Variants in NDUFS2 observed in about 807,000 individuals in gnomAD.
NDUFS2 encodes the protein NADH dehydrogenase [ubiquinone] iron-sulfur protein 2, mitochondrial.
In NDUFS2, 38 loss-of-function variants were observed where a neutral mutation model predicts 69.6. That is an observed-to-expected ratio of 0.55 (90% CI 0.42 to 0.72). The LOEUF is 0.72. Ranked by LOEUF, NDUFS2 falls within the 30% of genes least tolerant of loss-of-function variation. The probability of loss-of-function intolerance (pLI) is 0.00; values close to 1 mark genes in which losing one functional copy is unlikely to be tolerated. For synonymous variants in NDUFS2, 194 were observed against 211.2 expected (o/e 0.92, Z 0.70); for missense variants, 468 against 595.0 (o/e 0.79, Z 2.22).
intron 2 of NDUFS2, chr1:161,203,961 T>C (rs1051344099): frequency 3.8e-6 from 1 of 264,466 alleles, no homozygotes; most frequent in African/African-American, 2.2e-5. Flanking sequence ...GCCCCTATCC[T>C]GTTTGCTTCT....
In NDUFS2 at chr1:161,209,271, T is replaced by C. The variant is rs997237404; in HGVS notation, c.472T>C (p.Leu158=). Residue 158 remains leucine, a synonymous_variant, in exon 4 of 14, where the codon TTG becomes CTG. Transcript: ENST00000676972. The part of the protein sequence containing the change: ...EQAYSLAVEK[L]LNIRPPPRAQ... ...GGCCTATTCTCTAGCTGTGGAGAAG[T>C]TGCTAAACATCCGGCCTCCTCCTCG... 1 of 1,614,138 alleles carries C rather than the reference T, an allele frequency of 6.2e-7. No individual in the cohort carries two copies. The highest frequency in any genetic ancestry group is 1.3e-5 in the African/African-American group (1 of 75,026).
Position 161,213,701 on chromosome 1 carries a change from G to A in NDUFS2, c.1265G>A (p.Cys422Tyr), listed in dbSNP as rs1359886700. 1 of 1,614,190 alleles carries A rather than the reference G, an allele frequency of 6.2e-7. No individual in the cohort carries two copies. Among genetic ancestry groups the A allele is most frequent in the South Asian group, 1.1e-5 (1 of 91,084 alleles). Residue 422 changes from cysteine to tyrosine, a missense_variant, in exon 12 of 14, where the codon TGC (cysteine) becomes TAC (tyrosine). Physicochemically the swap from Cys to Tyr is radical, Grantham distance 194 (BLOSUM62 -2). Around this residue, in one of 3 missense-constraint regions of NDUFS2, gnomAD observed 72 missense variants for 118.9 expected, o/e 0.61. Transcript: ENST00000676972. ...GATGGCAGCAGCCGCCCTTATCGATGCAAGATCAAGGCTCCTGGTTTTGCC... is the reference window on the plus strand; with the variant it reads ...GATGGCAGCAGCCGCCCTTATCGATACAAGATCAAGGCTCCTGGTTTTGCC... ...VSDGSSRPYR[C>Y]KIKAPGFAHL...
At chr1:161,210,270 A>G (rs772040956) in intron 7 of NDUFS2, 34 bp from the exon 8 acceptor site, 1 of 1,609,656 alleles carries the variant, frequency 6.2e-7, no homozygotes, top group African/African-American at 1.3e-5. Context: ...AGTGTGAGGA[A>G]GAGTATTAAC....
At chr1:161,203,327 C>T in intron 1 of NDUFS2, 110 bp from the exon 2 acceptor site, 1 of 942,876 alleles carries the variant, frequency 1.1e-6, no homozygotes. Context: ...AAAAACAAAA[C>T]AAAACAAAAA....
rs752724639 is a variant in NDUFS2, at chr1:161,214,224, T to C, written c.*31T>C. ...GGAGCAGCGTTTGATCCCCCCTGCCTATCAGCTTCTTCTGTGGAGCCTGTT... is the reference window on the plus strand; with the variant it reads ...GGAGCAGCGTTTGATCCCCCCTGCCCATCAGCTTCTTCTGTGGAGCCTGTT... On this transcript the variant is annotated 3_prime_UTR_variant, in exon 14 of 14. Coordinates refer to ENST00000676972, the MANE Select transcript of NDUFS2 (RefSeq NM_001377299.1). 6.3e-7 allele frequency: 1 copy of C among 1,590,198 alleles called. No homozygotes were observed. The highest frequency in any genetic ancestry group is 2.2e-5 in the East Asian group (1 of 44,744).
At position 161,212,430 on chromosome 1, in the gene NDUFS2, A is replaced by G; in HGVS notation, c.1066A>G (p.Ile356Val). ...TCTAAACAAGATGCCTCCTGGGGAG[A>G]TCAAGGTTGATGATGCCAAAGTGTC... ...QCLNKMPPGE[I>V]KVDDAKVSPP... Residue 356 changes from isoleucine (I) to valine (V), a missense_variant, in exon 10 of 14, where the codon ATC becomes GTC. Physicochemically the swap from Ile to Val is conservative, Grantham distance 29. Transcript: ENST00000676972. 6.2e-7 allele frequency: 1 copy of G among 1,613,912 alleles called. No homozygotes were observed. The highest frequency in any genetic ancestry group is 8.5e-7 in the Non-Finnish European group (1 of 1,179,932).
In NDUFS2 at chr1:161,202,477, G is replaced by A; in HGVS notation, c.92G>A (p.Ser31Asn). 1 of 1,610,778 alleles carries A rather than the reference G, an allele frequency of 6.2e-7. No homozygotes were observed. Among genetic ancestry groups the A allele is most frequent in the Non-Finnish European group, 8.5e-7 (1 of 1,178,934 alleles). ...GAGVRLPIQP[S>N]RGVRQWQPDV... ...GGAGTCCGATTGCCGATTCAGCCCA[G>A]CAGGTGAGATCGAGGGCAGCTCTCG... Residue 31 changes from serine to asparagine, a missense_variant, in exon 1 of 14, where the codon AGC becomes AAC. Around this residue, in one of 3 missense-constraint regions of NDUFS2, gnomAD observed 57 missense variants for 42.3 expected, o/e 1.35. Transcript: ENST00000676972.
rs554930467 is a variant in NDUFS2, at chr1:161,209,519, T to C, written c.551T>C (p.Ile184Thr). The change falls in exon 5 of 14, where the codon ATC (isoleucine) becomes ACC (threonine). Residue 184 changes from isoleucine to threonine, a missense_variant. Coordinates refer to ENST00000676972, the MANE Select transcript of NDUFS2 (RefSeq NM_001377299.1). Reference protein sequence around the residue: ...FGEITRLLNHIMAVTTHALDL... With the variant: ...FGEITRLLNHTMAVTTHALDL... ...GAAATCACACGTTTGTTGAACCACATCATGGCTGTGACCACACATGCCCTG... is the reference window on the plus strand; with the variant it reads ...GAAATCACACGTTTGTTGAACCACACCATGGCTGTGACCACACATGCCCTG... 1 of 1,613,806 alleles carries C rather than the reference T, an allele frequency of 6.2e-7. No individual in the cohort carries two copies. Among genetic ancestry groups the C allele is most frequent in the South Asian group, 1.1e-5 (1 of 91,076 alleles).
upstream of NDUFS2, chr1:161,198,372 G>A (rs1367696268): frequency 1.2e-6 from 2 of 1,612,714 alleles, no homozygotes; most frequent in Non-Finnish European, 1.7e-6. This position sits in a 1 kb window ranked among gnomAD's most constrained non-coding sequence, Gnocchi z 4.7. Flanking sequence ...CCAAAGGCCT[G>A]CAAGCGGCAC....
chr1:161,211,746 T>C (rs1236002246), intron 9 of NDUFS2, among the ~76,000 whole-genome samples: 2 of 152,224 alleles, frequency 1.3e-5, no homozygotes, highest in African/African-American at 4.8e-5. Context: ...TATTTTTGTT[T>C]GTTTTATTTT....
In NDUFS2 at chr1:161,213,877, A is replaced by G. The variant is rs758958860; in HGVS notation, c.1310A>G (p.Lys437Arg). ...PGFAHLAGLD[K>R]MSKGHMLADV... Reference sequence around the variant, plus strand: ...CAATCTCCCTAGGCTGGTTTGGACAAGATGTCTAAGGGACACATGTTGGCA... The same window carrying G: ...CAATCTCCCTAGGCTGGTTTGGACAGGATGTCTAAGGGACACATGTTGGCA... Residue 437 changes from lysine (K) to arginine (R), a missense_variant, in exon 13 of 14, where the codon AAG becomes AGG. Around this residue, in one of 3 missense-constraint regions of NDUFS2, gnomAD observed 72 missense variants for 118.9 expected, o/e 0.61. Transcript: ENST00000676972. 1 of 1,614,216 alleles carries G rather than the reference A, an allele frequency of 6.2e-7. No homozygotes were observed. Among genetic ancestry groups the G allele is most frequent in the Non-Finnish European group, 8.5e-7 (1 of 1,180,028 alleles).
chr1:161,202,416 C>G lies in NDUFS2; in HGVS notation c.31C>G (p.Arg11Gly). 6.2e-7 allele frequency: 1 copy of G among 1,612,734 alleles called. No individual in the cohort carries two copies. Reference protein sequence around the residue: MAALRALCGFRGVAAQVLRPG... With the variant: MAALRALCGFGGVAAQVLRPG... ...GGCGCTGAGGGCTTTGTGCGGCTTC[C>G]GGGGCGTCGCGGCCCAGGTGCTGCG... Residue 11 changes from arginine to glycine, a missense_variant, in exon 1 of 14, where the codon CGG becomes GGG. Coordinates refer to ENST00000676972, the MANE Select transcript of NDUFS2 (RefSeq NM_001377299.1).
Position 161,209,209 on chromosome 1 carries a change from A to G in NDUFS2, c.410A>G (p.Asp137Gly), listed in dbSNP as rs762363138. The change falls in exon 4 of 14, where the codon GAC becomes GGC. Residue 137 changes from aspartate (D) to glycine (G), a missense_variant. Asp to Gly is a moderately conservative substitution (Grantham distance 94, BLOSUM62 -1). Transcript: ENST00000676972. ...TCTTCCCAGGCCCTTCCATACTTTGACCGGCTAGACTATGTGTCCATGATG... is the reference window on the plus strand; with the variant it reads ...TCTTCCCAGGCCCTTCCATACTTTGGCCGGCTAGACTATGTGTCCATGATG... ...KTYLQALPYF[D>G]RLDYVSMMCN... 5 of 1,614,094 alleles carry G rather than the reference A, an allele frequency of 3.1e-6. No homozygotes were observed. The South Asian group carries it at 5.5e-5, about 18-fold the overall frequency.
In NDUFS2 at chr1:161,212,450, A is replaced by G; in HGVS notation, c.1086A>G (p.Lys362=). The G allele has an allele frequency of 6.2e-7, 1 of 1,613,804 alleles. No homozygotes were observed. Among genetic ancestry groups the G allele is most frequent in the Non-Finnish European group, 8.5e-7 (1 of 1,179,882 alleles). The change falls in exon 10 of 14, where the codon AAA becomes AAG. Residue 362 remains lysine, a synonymous_variant. Coordinates refer to ENST00000676972, the MANE Select transcript of NDUFS2 (RefSeq NM_001377299.1). ...GGGAGATCAAGGTTGATGATGCCAA[A>G]GTGTCTCCACCTAAGCGAGCAGAGA... ...PPGEIKVDDA[K]VSPPKRAEMK...
chr1:161,209,219 CTA>C lies in NDUFS2; in HGVS notation c.422_423del (p.Tyr141CysfsTer6). 6.2e-7 allele frequency: 1 copy of C among 1,614,188 alleles called. No individual in the cohort carries two copies. The highest frequency in any genetic ancestry group is 8.5e-7 in the Non-Finnish European group (1 of 1,180,050). On this transcript the variant is annotated frameshift_variant, in exon 4 of 14. Coordinates refer to ENST00000676972, the MANE Select transcript of NDUFS2 (RefSeq NM_001377299.1). LOFTEE classifies it high-confidence loss of function. ...QALPYFDRLD[Y>X]VSMMCNEQAY... ...CCCTTCCATACTTTGACCGGCTAGA[CTA>C]TGTGTCCATGATGTGTAACGAACAG...
chr1:161,203,677 C>G, intron 2 of NDUFS2, 134 bp downstream of exon 2: 2 of 777,140 alleles, frequency 2.6e-6, no homozygotes, highest in Middle Eastern at 3.5e-4. Context: ...CTCACTGTAG[C>G]CTTGAACTTC....
At position 161,202,450 on chromosome 1, in the gene NDUFS2, C is replaced by A. The variant is rs746206479; in HGVS notation, c.65C>A (p.Ala22Asp). ...GVAAQVLRPG[A>D]GVRLPIQPSR... ...GCGGCCCAGGTGCTGCGGCCTGGGG[C>A]TGGAGTCCGATTGCCGATTCAGCCC... The change falls in exon 1 of 14, where the codon GCT (alanine) becomes GAT (aspartate). Residue 22 changes from alanine (A) to aspartate (D), a missense_variant. Ala to Asp is a moderately radical substitution (Grantham distance 126). This residue lies in a region of NDUFS2 where 57 missense variants were observed against 42.3 expected (regional missense o/e 1.35). Transcript: ENST00000676972. 1.2e-6 allele frequency: 2 copies of A among 1,612,094 alleles called. No homozygotes were observed. The highest frequency in any genetic ancestry group is 3.3e-5 in the Admixed American group (2 of 59,822).
intron 2 of NDUFS2, 39 bp from the exon 3 acceptor site, chr1:161,206,368 G>C (rs1665460959): frequency 6.2e-7 from 1 of 1,608,140 alleles, no homozygotes; most frequent in African/African-American, 1.3e-5. Flanking sequence ...GATCCCAAGG[G>C]AATAACCATG....
Position 161,202,420 on chromosome 1 carries a change from G to T in NDUFS2, c.35G>T (p.Gly12Val), listed in dbSNP as rs1488110000. 6.2e-7 allele frequency: 1 copy of T among 1,612,982 alleles called. No individual in the cohort carries two copies. The highest frequency in any genetic ancestry group is 8.5e-7 in the Non-Finnish European group (1 of 1,179,736). The change falls in exon 1 of 14, where the codon GGC (glycine) becomes GTC (valine). Residue 12 changes from glycine (G) to valine (V), a missense_variant. By Grantham distance (109) the Gly-to-Val change is moderately radical (BLOSUM62 -3). Coordinates refer to ENST00000676972, the MANE Select transcript of NDUFS2 (RefSeq NM_001377299.1). ...AALRALCGFR[G>V]VAAQVLRPGA... is the part of the protein sequence containing the mutation. ...CTGAGGGCTTTGTGCGGCTTCCGGG[G>T]CGTCGCGGCCCAGGTGCTGCGGCCT...
Sources: allele counts gnomAD v4.1 joint callset (sites outside exome capture counted in the v4.1 genomes callset), GRCh38; gene constraint gnomAD v4.1.1; regional missense constraint gnomAD v4.1.1; non-coding constraint Gnocchi (gnomAD v3.1); transcripts MANE v1.5; gene names NCBI Gene and HGNC (gene_info 2026-07-23, HGNC 2026-07-21).